The following EDN2 variants were observed in gnomAD, a reference collection of about 807,000 sequenced individuals.
The protein encoded by EDN2 is endothelin-2.
Under a neutral mutation model 19.9 loss-of-function variants are expected in EDN2, and 10 were observed. The ratio of observed to expected loss-of-function variants is 0.50; its 90% CI spans 0.31 to 0.85. The LOEUF (loss-of-function observed/expected upper bound fraction) is 0.85, where lower values mean the gene tolerates loss of function less well. Among genes scored for constraint, EDN2 ranks in the 40% least tolerant of loss-of-function variants. The pLI is 0.05. For synonymous variants in EDN2, 84 were observed against 94.9 expected, an observed-to-expected ratio of 0.89 and a Z score of 0.67; for missense variants, 222 against 239.3, an observed-to-expected ratio of 0.93 and a Z score of 0.48.
chr1:41,478,868 T>C lies in EDN2; in HGVS notation c.*541A>G, dbSNP rs11572374. The stretch of plus-strand genomic sequence containing the variant: ...AAATAATTGGGATTCTCAAAGTTCT[T>C]AGGGCAAATAAGTTATATACAGACA... On this transcript the variant is annotated 3_prime_UTR_variant, in exon 5 of 5. Transcript: ENST00000372587. The C allele has an allele frequency of 5.5e-6, 1 of 180,188 alleles. No homozygotes were observed. Among genetic ancestry groups the C allele is most frequent in the Admixed American group, 5.4e-5 (1 of 18,630 alleles). 11.2% of individuals were successfully genotyped at this position (180,188 alleles called of 1,614,324 possible).
At position 41,479,482 on chromosome 1, in the gene EDN2, C is replaced by A; in HGVS notation, c.464G>T (p.Ser155Ile). 6.2e-7 allele frequency: 1 copy of A among 1,614,192 alleles called. No homozygotes were observed. Residue 155 changes from serine (S) to isoleucine (I), a missense_variant, in exon 5 of 5, where the codon AGC becomes ATC. Transcript: ENST00000372587. ...CTCCTGTTGTCGCTTGGCAAAGAGG[C>A]TCTTGACTGTGGAAATGTCCCTGGG... ...QRLRDISTVKSLFAKRQQEAM... is the reference protein window; with the variant it reads ...QRLRDISTVKILFAKRQQEAM...
rs1644229451 is a variant in EDN2, at chr1:41,479,508, A to G, written c.444-6T>C. On this transcript the variant is annotated splice_polypyrimidine_tract_variant and splice_region_variant and intron_variant, in intron 4 of 4. Transcript: ENST00000372587. ...TCTTGACTGTGGAAATGTCCCTGGG[A>G]ATCAAGAAGGGTCAACTTAGCATCT... The G allele has an allele frequency of 6.2e-7, 1 of 1,613,168 alleles. No individual in the cohort carries two copies. The highest frequency in any genetic ancestry group is 8.5e-7 in the Non-Finnish European group (1 of 1,179,088).
At chr1:41,480,857 A>G in intron 4 of EDN2, 2 of 664,802 alleles carry the variant, frequency 3.0e-6, no homozygotes, top group South Asian at 3.0e-5. Flanking sequence ...CAAACCCTCT[A>G]AAAAGTCCAC....
At position 41,481,137 on chromosome 1, in the gene EDN2, C is replaced by A. The variant is rs780865794; in HGVS notation, c.401G>T (p.Gly134Val). 6.2e-7 allele frequency: 1 copy of A among 1,613,988 alleles called. No homozygotes were observed. Among genetic ancestry groups the A allele is most frequent in the African/African-American group, 1.3e-5 (1 of 74,944 alleles). ...CTCTCCTGTAGTGGCCCCTGTCTTGCCAGTCTGGAACACGTCTGCAGGGGA... is the reference window on the plus strand; with the variant it reads ...CTCTCCTGTAGTGGCCCCTGTCTTGACAGTCTGGAACACGTCTGCAGGGGA... ...RKSPADVFQT[G>V]KTGATTGELL... The change falls in exon 4 of 5, where the codon GGC becomes GTC. Residue 134 changes from glycine (G) to valine (V), a missense_variant. Coordinates refer to ENST00000372587, the MANE Select transcript of EDN2 (RefSeq NM_001956.5).
chr1:41,482,692 A>C (rs1569588957), intron 2 of EDN2, 104 bp from the exon 3 acceptor site: 1 of 1,395,134 alleles, frequency 7.2e-7, no homozygotes, highest in African/African-American at 1.5e-5. Flanking sequence ...ACCATTGGCA[A>C]GCAGGGACTG....
chr1:41,483,982 A>G, intron 2 of EDN2, 65 bp downstream of exon 2: 1 of 1,503,624 alleles, frequency 6.7e-7, no homozygotes, highest in African/African-American at 1.4e-5. Context: ...CTAGCATGCC[A>G]GTAGCTTCCA....
intron 2 of EDN2, chr1:41,483,709 G>A (rs1470458029): frequency 1.4e-5 from 3 of 213,678 alleles, no homozygotes; most frequent in South Asian, 1.0e-4. Context: ...TGTGAGCTCC[G>A]GCATTCCCCA....
At position 41,481,145 on chromosome 1, in the gene EDN2, G is replaced by C. The variant is rs1413595404; in HGVS notation, c.393C>G (p.Phe131Leu). Residue 131 changes from phenylalanine to leucine, a missense_variant, in exon 4 of 5, where the codon TTC becomes TTG. Transcript: ENST00000372587. ...TAGTGGCCCCTGTCTTGCCAGTCTGGAACACGTCTGCAGGGGACTTCCGGC... is the reference window on the plus strand; with the variant it reads ...TAGTGGCCCCTGTCTTGCCAGTCTGCAACACGTCTGCAGGGGACTTCCGGC... ...VPSRKSPADVFQTGKTGATTG... is the reference protein window; with the variant it reads ...VPSRKSPADVLQTGKTGATTG... The C allele has an allele frequency of 6.2e-7, 1 of 1,613,896 alleles. No homozygotes were observed. Among genetic ancestry groups the C allele is most frequent in the South Asian group, 1.1e-5 (1 of 91,090 alleles).
At chr1:41,481,664 G>A (rs11210269) in intron 3 of EDN2, among the ~76,000 whole-genome samples, 13,025 of 151,734 alleles carry the variant, frequency 0.086, 561 homozygotes, top group Middle Eastern at 0.14. Context: ...CTCAGCCTTC[G>A]GAGTAGTTGA....
rs1383752960 is a variant in EDN2 at position 41,479,524 on chromosome 1, C to T, written c.444-22G>A. 2.5e-6 allele frequency: 4 copies of T among 1,601,214 alleles called. No individual in the cohort carries two copies. The African/African-American group carries it at 5.4e-5, about 21-fold the overall frequency. On this transcript the variant is annotated intron_variant, in intron 4 of 4. Coordinates refer to ENST00000372587, the MANE Select transcript of EDN2 (RefSeq NM_001956.5). The stretch of plus-strand genomic sequence containing the variant: ...GTCCCTGGGAATCAAGAAGGGTCAA[C>T]TTAGCATCTCAGGAGATATGGACTG...
chr1:41,481,277 C>T, intron 3 of EDN2, 84 bp from the exon 4 acceptor site: 1 of 1,127,016 alleles, frequency 8.9e-7, no homozygotes, highest in South Asian at 1.4e-5. Context: ...CAGCCCCCAC[C>T]CCTTCCCCAT....
intron 4 of EDN2, 141 bp downstream of exon 4, chr1:41,480,954 T>C: frequency 1.4e-6 from 1 of 700,472 alleles, no homozygotes; most frequent in Non-Finnish European, 2.5e-6. Context: ...TGTGTGACTT[T>C]GGGCAAGTGG....
Position 41,482,593 on chromosome 1 carries a change from G to A in EDN2, c.222-5C>T. 1 of 1,564,206 alleles carries A rather than the reference G, an allele frequency of 6.4e-7. No homozygotes were observed. Among genetic ancestry groups the A allele is most frequent in the Non-Finnish European group, 8.6e-7 (1 of 1,159,676 alleles). ...AGGCCGTAAGGAGCTGTCTGTCTGT[G>A]GGCGGGCAGCCAGCAAGGTAGTGGT... On this transcript the variant is annotated splice_region_variant and splice_polypyrimidine_tract_variant and intron_variant, in intron 2 of 4. Coordinates refer to ENST00000372587, the MANE Select transcript of EDN2 (RefSeq NM_001956.5).
chr1:41,480,825 G>A (rs1318758124), intron 4 of EDN2: 1 of 624,484 alleles, frequency 1.6e-6, no homozygotes. Flanking sequence ...AACAACTGTG[G>A]TCCTTCCCAG....
At chr1:41,479,557 G>T in intron 4 of EDN2, 55 bp from the exon 5 acceptor site, 1 of 1,509,028 alleles carries the variant, frequency 6.6e-7, no homozygotes, top group Non-Finnish European at 9.2e-7. Context: ...CTGTCCAAGA[G>T]CTCCCCATGA....
rs1644274254 is a variant in EDN2 at position 41,484,406 on chromosome 1, C to T, written c.64+132G>A. ...CCTCTGTATTTGCAGAACCTTTCCC[C>T]TGCCACCACTGCCGCCAGGCTCCCG... is the stretch of plus-strand genomic sequence containing the variant. On this transcript the variant is annotated intron_variant, in intron 1 of 4. Transcript: ENST00000372587. 3.7e-6 allele frequency: 5 copies of T among 1,356,610 alleles called. No homozygotes were observed. In the South Asian group the frequency reaches 5.8e-5, roughly 16 times the overall value. 84.0% of individuals were successfully genotyped at this position (1,356,610 alleles called of 1,614,324 possible).
intron 4 of EDN2, 37 bp from the exon 5 acceptor site, chr1:41,479,539 G>A: frequency 6.4e-7 from 1 of 1,570,366 alleles, no homozygotes; most frequent in Non-Finnish European, 8.8e-7. Flanking sequence ...CATCTCAGGA[G>A]ATATGGACTG....
intron 3 of EDN2, 91 bp from the exon 4 acceptor site, chr1:41,481,284 C>A (rs1569583888): frequency 2.0e-6 from 2 of 981,762 alleles, no homozygotes; most frequent in East Asian, 2.5e-5. Context: ...CACCCCTTCC[C>A]CATCCCCACC....
Position 41,484,572 on chromosome 1 carries a change from G to A in EDN2, c.30C>T (p.Ser10=), listed in dbSNP as rs1414292006. The A allele has an allele frequency of 1.2e-5, 19 of 1,559,314 alleles. No individual in the cohort carries two copies. The highest frequency in any genetic ancestry group is 2.4e-5 in the East Asian group (1 of 41,368). Reference sequence around the variant, plus strand: ...GGGCCACGAGCAGGGCTAGCGCAACGGAGCACCAGGTGGTAGGCACGGAGA... The same window carrying A: ...GGGCCACGAGCAGGGCTAGCGCAACAGAGCACCAGGTGGTAGGCACGGAGA... MVSVPTTWC[S]VALALLVALH... is the part of the protein sequence containing the mutation. Residue 10 remains serine (S), a synonymous_variant, in exon 1 of 5, where the codon TCC becomes TCT. Coordinates refer to ENST00000372587, the MANE Select transcript of EDN2 (RefSeq NM_001956.5).
Sources: allele counts gnomAD v4.1 joint callset (sites outside exome capture counted in the v4.1 genomes callset), GRCh38; gene constraint gnomAD v4.1.1; transcripts MANE v1.5; gene names NCBI Gene and HGNC (gene_info 2026-07-23, HGNC 2026-07-21).